Variants in WRN observed in about 807,000 individuals in gnomAD.
The protein encoded by WRN is WRN RecQ like helicase.
WRN carries 149 observed loss-of-function variants against 180.7 expected under a neutral mutation model. The observed-to-expected ratio is 0.82, with a 90% CI of 0.72 to 0.94. The LOEUF is 0.94. Among genes scored for constraint, WRN ranks in the 40% least tolerant of loss-of-function variants. The probability of loss-of-function intolerance (pLI) is 0.00; values close to 1 mark genes in which losing one functional copy is unlikely to be tolerated. For missense variants in WRN, 1,661 were observed against 1,700.1 expected, an observed-to-expected ratio of 0.98 and a Z score of 0.40; for synonymous variants, 548 against 568.9, an observed-to-expected ratio of 0.96 and a Z score of 0.52.
At chr8:31,055,092 A>G (rs1053173605) in intron 1 of WRN, among the ~76,000 whole-genome samples, 9 of 152,110 alleles carry the variant, frequency 5.9e-5, no homozygotes, top group Non-Finnish European at 1.2e-4. Flanking sequence ...TTTTATATGT[A>G]CCACATTTTC....
At chr8:31,158,689 T>A (rs1803485607) in intron 33 of WRN, among the ~76,000 whole-genome samples, 1 of 152,034 alleles carries the variant, frequency 6.6e-6, no homozygotes, top group Admixed American at 6.6e-5. Flanking sequence ...CTTAAATGGA[T>A]CTGAGCAAAA....
intron 18 of WRN, among the ~76,000 whole-genome samples, chr8:31,103,610 A>G (rs1223942599): frequency 6.6e-6 from 1 of 152,136 alleles, no homozygotes; most frequent in East Asian, 1.9e-4. Flanking sequence ...ATTCCACAGT[A>G]TGGTTGTACC....
chr8:31,171,922 C>T (rs1804115368), intron 34 of WRN, among the ~76,000 whole-genome samples: 2 of 152,120 alleles, frequency 1.3e-5, no homozygotes, highest in Non-Finnish European at 2.9e-5. Context: ...CCAACCTTCT[C>T]ATAAAATCCC....
intron 17 of WRN, among the ~76,000 whole-genome samples, chr8:31,099,811 G>A (rs530628984): frequency 1.3e-5 from 2 of 152,136 alleles, no homozygotes; most frequent in Admixed American, 6.5e-5. Context: ...CCCTATTTTA[G>A]CATTTTATGT....
chr8:31,175,674 C>T lies in WRN; in HGVS notation c.*2572C>T, dbSNP rs1483309993. ...AAAATACTCTTCTCTTTTCCAACTA[C>T]GTGCCTGTGCAAAGTCAGATTTTTT... is the stretch of plus-strand genomic sequence containing the variant. On this transcript the variant is annotated 3_prime_UTR_variant, in exon 35 of 35. Transcript: ENST00000298139. Among the ~76,000 whole-genome samples the T allele has an allele frequency of 1.3e-5, 2 of 152,154 alleles. No homozygotes were observed. The highest frequency in any genetic ancestry group is 2.9e-5 in the Non-Finnish European group (2 of 68,024).
In WRN at chr8:31,088,911, A is replaced by G. The variant is rs11574240; in HGVS notation, c.1598A>G (p.Asn533Ser). ...CCAGACTTTTTGTGGCCAGCACCCA[A>G]TGAAGAGCAAGTTACTTGCCTCAAG... is the stretch of plus-strand genomic sequence containing the variant. ...DDKDFLWPAP[N>S]EEQVTCLKMY... The change falls in exon 13 of 35, where the codon AAT (asparagine) becomes AGT (serine). Residue 533 changes from asparagine to serine, a missense_variant. Asn to Ser is a conservative substitution (Grantham distance 46). Transcript: ENST00000298139. The G allele has an allele frequency of 4.3e-6, 7 of 1,611,306 alleles. No individual in the cohort carries two copies. Among genetic ancestry groups the G allele is most frequent in the East Asian group, 2.2e-5 (1 of 44,802 alleles).
intron 19 of WRN, among the ~76,000 whole-genome samples, chr8:31,114,118 T>C (rs1801424714): frequency 6.6e-6 from 1 of 152,136 alleles, no homozygotes. Context: ...GAACAGAAAC[T>C]TTCCTCTTCA....
intron 1 of WRN, among the ~76,000 whole-genome samples, chr8:31,042,996 A>G (rs1811715664): frequency 6.6e-6 from 1 of 152,216 alleles, no homozygotes; most frequent in African/African-American, 2.4e-5. Context: ...GAGTGTCTTC[A>G]GTTGCAAGTA....
intron 18 of WRN, among the ~76,000 whole-genome samples, chr8:31,105,652 G>T (rs1801067974): frequency 1.3e-5 from 2 of 152,080 alleles, no homozygotes; most frequent in African/African-American, 4.8e-5. Context: ...TAGAGATGGG[G>T]TTTCACCATA....
chr8:31,132,270 AT>A, intron 23 of WRN, 94 bp from the exon 24 acceptor site: 1 of 1,468,828 alleles, frequency 6.8e-7, no homozygotes, highest in South Asian at 1.3e-5. Flanking sequence ...CATTTGAGAT[AT>A]TTTTTACTTG....
intron 19 of WRN, among the ~76,000 whole-genome samples, chr8:31,113,200 C>T (rs1280354454): frequency 1.6e-5 from 2 of 121,828 alleles, no homozygotes; most frequent in Non-Finnish European, 1.8e-5. Flanking sequence ...AGCAAGGCCC[C>T]GTTTCAAAAA....
chr8:31,154,124 C>T (rs1803267163), intron 31 of WRN, among the ~76,000 whole-genome samples: 1 of 151,480 alleles, frequency 6.6e-6, no homozygotes, highest in Non-Finnish European at 1.5e-5. Context: ...CTTAAGGAAC[C>T]ATATTTAAGA....
intron 20 of WRN, among the ~76,000 whole-genome samples, chr8:31,119,435 C>T (rs1801636593): frequency 6.6e-6 from 1 of 151,880 alleles, no homozygotes. Context: ...TAGTCGTAGG[C>T]ATTATTTATC....
At chr8:31,157,285 C>A in intron 32 of WRN, 83 bp from the exon 33 acceptor site, 2 of 1,577,896 alleles carry the variant, frequency 1.3e-6, no homozygotes, top group Non-Finnish European at 1.7e-6. Context: ...GCATTTACTA[C>A]CTGAATGTTT....
At chr8:31,069,008 GGAATGTAGA>G (rs1812811902) in intron 7 of WRN, among the ~76,000 whole-genome samples, 1 of 152,180 alleles carries the variant, frequency 6.6e-6, no homozygotes, top group Non-Finnish European at 1.5e-5. Flanking sequence ...CTCCAAACAT[GGAATGTAGA>G]TACTAGCATA....
chr8:31,168,219 A>G (rs1289366500), intron 34 of WRN, among the ~76,000 whole-genome samples: 1 of 152,252 alleles, frequency 6.6e-6, no homozygotes, highest in African/African-American at 2.4e-5. Context: ...TGAACTAGCT[A>G]TAAGAGGAAC....
chr8:31,036,054 T>C (rs1402199632), intron 1 of WRN, among the ~76,000 whole-genome samples: 13 of 152,238 alleles, frequency 8.5e-5, no homozygotes, highest in Admixed American at 8.5e-4. Flanking sequence ...ATCACCATTC[T>C]ACTTACTACC....
rs571236513 is a variant in WRN, at chr8:31,076,420, T to C, written c.839+133T>C. ...TTTGCTTGAATACACACACACAGAC[T>C]GATGCATAAATTTGAGAAATATCTT... On this transcript the variant is annotated intron_variant, in intron 8 of 34. Coordinates refer to ENST00000298139, the MANE Select transcript of WRN (RefSeq NM_000553.6). 49 of 707,162 alleles carry C rather than the reference T, an allele frequency of 6.9e-5. No homozygotes were observed. The East Asian group carries it at 8.8e-4, about 13-fold the overall frequency. The allele number at this position is 707,162 out of a possible 1,614,324, so 43.8% of individuals were successfully genotyped here.
chr8:31,085,325 A>C lies in WRN; in HGVS notation c.1431+79A>C. ...ATTAAGTAAAATATTAACTAATTCT[A>C]AACCAGGTTCCACCACAATGAAATT... On this transcript the variant is annotated intron_variant, in intron 11 of 34. Transcript: ENST00000298139. The C allele has an allele frequency of 4.0e-6, 6 of 1,488,548 alleles. No homozygotes were observed. In the Middle Eastern group the frequency reaches 7.2e-4, roughly 180 times the overall value. The allele number at this position is 1,488,548 out of a possible 1,614,324, so 92.2% of individuals were successfully genotyped here. A position where few individuals can be genotyped will look rare whatever the true frequency, so the allele number is the denominator to read the frequency against.
Sources: allele counts gnomAD v4.1 joint callset (sites outside exome capture counted in the v4.1 genomes callset), GRCh38; gene constraint gnomAD v4.1.1; transcripts MANE v1.5; gene names NCBI Gene and HGNC (gene_info 2026-07-23, HGNC 2026-07-21).